Variants in INSC observed in about 807,000 individuals in gnomAD.
The protein encoded by INSC is protein inscuteable homolog.
A neutral mutation model predicts 58.6 loss-of-function variants in INSC; 67 were observed. The observed-to-expected ratio is 1.14, with a 90% CI of 0.94 to 1.40. INSC has a LOEUF of 1.40. Among genes scored for constraint, INSC ranks in the 40% most tolerant of loss-of-function variants. The pLI, the probability that INSC is intolerant of heterozygous loss-of-function variation, is 0.00. For synonymous variants in INSC, 262 were observed against 276.1 expected (o/e 0.95, Z 0.51); for missense variants, 714 against 692.0 (o/e 1.03, Z -0.36).
At chr11:15,182,472 A>G (rs1192494165) in intron 5 of INSC, among the ~76,000 whole-genome samples, 1 of 150,000 alleles carries the variant, frequency 6.7e-6, no homozygotes, top group East Asian at 1.9e-4. Context: ...ATATATGGGG[A>G]AAAAAATGCC....
At chr11:15,153,890 C>T (rs1438870008) in intron 2 of INSC, among the ~76,000 whole-genome samples, 6 of 152,184 alleles carry the variant, frequency 3.9e-5, no homozygotes, top group Admixed American at 3.9e-4. Context: ...AGTCTTGCCT[C>T]CCCTGGGTTG....
At chr11:15,157,685 T>C (rs986990081) in intron 2 of INSC, among the ~76,000 whole-genome samples, 1 of 152,110 alleles carries the variant, frequency 6.6e-6, no homozygotes, top group Non-Finnish European at 1.5e-5. Context: ...ACTAACACAG[T>C]CCAAACCTTA....
At chr11:15,215,243 G>A (rs986613964) in intron 7 of INSC, among the ~76,000 whole-genome samples, 4 of 152,220 alleles carry the variant, frequency 2.6e-5, no homozygotes, top group Non-Finnish European at 5.9e-5. Flanking sequence ...TTATCTATAA[G>A]TGCTTCCAGC....
chr11:15,239,035 C>T lies in INSC; in HGVS notation c.1354C>T (p.Arg452Ter), dbSNP rs371748746. 71 of 1,613,918 alleles carry T rather than the reference C, an allele frequency of 4.4e-5. No homozygotes were observed. The highest frequency in any genetic ancestry group is 5.7e-5 in the Non-Finnish European group (67 of 1,179,982). Residue 452 changes from arginine (R) to a stop codon, truncating the protein, a stop_gained, in exon 11 of 13, where the codon CGA becomes TGA. Coordinates refer to ENST00000379556, the MANE Select transcript of INSC (RefSeq NM_001042536.3). LOFTEE classifies it high-confidence loss of function. ...KAAVTLARLS[R>*]DPDVAREAVR... ...TGCAGTGACCCTGGCTCGTCTCAGC[C>T]GAGACCCAGATGTGGCACGGGAGGC...
At chr11:15,249,842 A>G (rs1852631869), downstream of INSC, among the ~76,000 whole-genome samples, 1 of 152,216 alleles carries the variant, frequency 6.6e-6, no homozygotes, top group Admixed American at 6.5e-5. Flanking sequence ...TGGGCAGGGC[A>G]TTGGCCAGCT....
rs578159209 is a variant in INSC at position 15,137,489 on chromosome 11, C to T, written c.-45-11641C>T. 3.3e-5 allele frequency among the ~76,000 whole-genome samples: 5 copies of T among 152,284 alleles called. No homozygotes were observed. The South Asian group carries it at 1.0e-3, about 32-fold the overall frequency. On this transcript the variant is annotated intron_variant, in intron 1 of 12. Coordinates refer to ENST00000379556, the MANE Select transcript of INSC (RefSeq NM_001042536.3). ...AAGATCTGTTGTTAAGTGTAGCCAC[C>T]TTCATCAATAATTTTAGCTAGATCT...
chr11:15,214,759 T>A (rs1238444127), intron 7 of INSC, among the ~76,000 whole-genome samples: 2 of 152,202 alleles, frequency 1.3e-5, no homozygotes, highest in African/African-American at 4.8e-5. Context: ...TCATGAGGGC[T>A]CTGCACCCAT....
chr11:15,117,451 G>T (rs1007250202), intron 1 of INSC, among the ~76,000 whole-genome samples: 1 of 152,184 alleles, frequency 6.6e-6, no homozygotes, highest in African/African-American at 2.4e-5. Flanking sequence ...GCAGAATAAA[G>T]GTGGCAGGGG....
intron 7 of INSC, among the ~76,000 whole-genome samples, chr11:15,215,585 T>G (rs1456179373): frequency 6.6e-6 from 1 of 152,208 alleles, no homozygotes; most frequent in East Asian, 1.9e-4. Context: ...TAATCTCATC[T>G]CCTCCCTGGG....
intron 1 of INSC, among the ~76,000 whole-genome samples, chr11:15,129,903 G>T (rs894226476): frequency 2.6e-5 from 4 of 152,210 alleles, no homozygotes; most frequent in East Asian, 1.9e-4. Flanking sequence ...TGGACTGCAG[G>T]TCTGTGCCTG....
the INSC span, among the ~76,000 whole-genome samples, chr11:15,268,586 C>T: frequency 6.6e-6 from 1 of 152,062 alleles, no homozygotes; most frequent in South Asian, 2.1e-4. Context: ...ATTGAGATAT[C>T]AGCAATTCCT....
At chr11:15,143,209 T>C (rs1280582067) in intron 1 of INSC, among the ~76,000 whole-genome samples, 1 of 152,180 alleles carries the variant, frequency 6.6e-6, no homozygotes, top group Non-Finnish European at 1.5e-5. Flanking sequence ...AATGTTACAG[T>C]TAATTATTTA....
intron 10 of INSC, among the ~76,000 whole-genome samples, chr11:15,238,313 C>G (rs1178764821): frequency 6.6e-6 from 1 of 152,172 alleles, no homozygotes; most frequent in Non-Finnish European, 1.5e-5. Flanking sequence ...TGAATTTACT[C>G]TAAAACATTT....
chr11:15,156,553 A>C (rs1045894519), intron 2 of INSC, among the ~76,000 whole-genome samples: 1 of 152,244 alleles, frequency 6.6e-6, no homozygotes, highest in Non-Finnish European at 1.5e-5. Flanking sequence ...TAATTAAGCC[A>C]TTAAGATTGA....
At chr11:15,248,606 G>A (rs561389570), downstream of INSC, among the ~76,000 whole-genome samples, 16 of 152,224 alleles carry the variant, frequency 1.1e-4, no homozygotes, top group East Asian at 2.9e-3. Context: ...AGACTAAATC[G>A]CAGCCTTTTG....
chr11:15,137,137 TA>T (rs1848264243), intron 1 of INSC, among the ~76,000 whole-genome samples: 1 of 152,168 alleles, frequency 6.6e-6, no homozygotes, highest in South Asian at 2.1e-4. Flanking sequence ...TTGAAAGGAA[TA>T]TTTTTTTTCT....
At chr11:15,171,293 T>G (rs933483405) in intron 2 of INSC, among the ~76,000 whole-genome samples, 1 of 152,120 alleles carries the variant, frequency 6.6e-6, no homozygotes, top group African/African-American at 2.4e-5. Flanking sequence ...GTGCTGTAAT[T>G]TGGCTGTTTT....
At chr11:15,220,271 C>T (rs755348969) in intron 7 of INSC, among the ~76,000 whole-genome samples, 16 of 152,176 alleles carry the variant, frequency 1.1e-4, no homozygotes, top group Non-Finnish European at 2.2e-4. Flanking sequence ...CTCACCCCAC[C>T]TCTCCTGTTC....
At chr11:15,200,985 C>G (rs1018410108) in intron 7 of INSC, 36 bp downstream of exon 7, 1 of 1,566,908 alleles carries the variant, frequency 6.4e-7, no homozygotes, top group Admixed American at 1.9e-5. Flanking sequence ...CTGAGGTCCT[C>G]AAGCCAGGTA....
Sources: allele counts gnomAD v4.1 joint callset (sites outside exome capture counted in the v4.1 genomes callset), GRCh38; gene constraint gnomAD v4.1.1; transcripts MANE v1.5; gene names NCBI Gene and HGNC (gene_info 2026-07-23, HGNC 2026-07-21).